Variants in MAPK4 observed in about 807,000 individuals in gnomAD.
MAPK4 encodes mitogen-activated protein kinase 4.
MAPK4 carries 22 observed loss-of-function variants against 47.7 expected under a neutral mutation model. The observed-to-expected ratio is 0.46, with a 90% confidence interval of 0.33 to 0.66. MAPK4 has a LOEUF of 0.66. MAPK4 is among the 30% of genes least tolerant of loss of function. The pLI, the probability that MAPK4 is intolerant of heterozygous loss-of-function variation, is 0.02. For missense variants in MAPK4, 736 were observed against 831.7 expected (o/e 0.88, Z 1.42); for synonymous variants, 390 against 365.7 (o/e 1.07, Z -0.76).
At chr18:50,568,022 C>A (rs1369437962) in intron 1 of MAPK4, among the ~76,000 whole-genome samples, 1 of 151,778 alleles carries the variant, frequency 6.6e-6, no homozygotes, top group African/African-American at 2.4e-5. Flanking sequence ...CGGTGAAACC[C>A]CGTCTCTACT....
At chr18:50,697,194 A>C (rs1004232722) in intron 2 of MAPK4, among the ~76,000 whole-genome samples, 1 of 152,246 alleles carries the variant, frequency 6.6e-6, no homozygotes, top group African/African-American at 2.4e-5. Context: ...TAGCTGTTCA[A>C]AACAAAACCT....
chr18:50,705,769 C>T (rs1910016810), intron 2 of MAPK4: 1 of 152,226 alleles, frequency 6.6e-6, no homozygotes, highest in Non-Finnish European at 1.5e-5. Flanking sequence ...TCACTCTGGT[C>T]TCTGCTCGAA....
Position 50,644,031 on chromosome 18 carries a change from G to A in MAPK4, c.-870-19058G>A, listed in dbSNP as rs573507011. Among the ~76,000 whole-genome samples the A allele has an allele frequency of 9.7e-4, 147 of 151,270 alleles. 1 individual carries two copies. The highest frequency in any genetic ancestry group is 2.5e-3 in the Admixed American group (38 of 15,226). On this transcript the variant is annotated intron_variant, in intron 1 of 5. Transcript: ENST00000400384. ...TCGGTGGAAAGGGAGATGAATGCCT[G>A]CAGATCCACATCTTAGTAGAAATCT...
intron 3 of MAPK4, among the ~76,000 whole-genome samples, chr18:50,719,773 T>C (rs1910837191): frequency 6.6e-6 from 1 of 152,218 alleles, no homozygotes; most frequent in Admixed American, 6.5e-5. Flanking sequence ...CAGACGAGAC[T>C]GTATAATCCA....
intron 1 of MAPK4, among the ~76,000 whole-genome samples, chr18:50,631,943 G>A (rs755203075): frequency 7.2e-5 from 11 of 152,202 alleles, no homozygotes; most frequent in Non-Finnish European, 1.6e-4. Flanking sequence ...GTGAGAATCA[G>A]AGATGTTTGT....
At chr18:50,630,745 C>T (rs16952240) in intron 1 of MAPK4, among the ~76,000 whole-genome samples, 5,485 of 152,278 alleles carry the variant, frequency 0.036, 313 homozygotes, top group African/African-American at 0.12. Flanking sequence ...CACAGCCCTC[C>T]GCAGTCTGAC....
intron 3 of MAPK4, among the ~76,000 whole-genome samples, chr18:50,718,308 C>T (rs1012042476): frequency 1.3e-5 from 2 of 152,160 alleles, no homozygotes; most frequent in South Asian, 2.1e-4. Flanking sequence ...CAACCTCCAC[C>T]CCCCATTTCA....
intron 2 of MAPK4, among the ~76,000 whole-genome samples, chr18:50,699,694 A>G (rs1909682485): frequency 1.3e-5 from 2 of 152,244 alleles, no homozygotes; most frequent in South Asian, 4.1e-4. Flanking sequence ...AGTTGCCACA[A>G]GCCCGGGGGT....
At chr18:50,642,871 C>A (rs1252572912) in intron 1 of MAPK4, among the ~76,000 whole-genome samples, 1 of 152,204 alleles carries the variant, frequency 6.6e-6, no homozygotes, top group Non-Finnish European at 1.5e-5. Context: ...TCCCAAAACG[C>A]TGGGATTATA....
chr18:50,607,189 G>A (rs1052146540), intron 1 of MAPK4, among the ~76,000 whole-genome samples: 2 of 152,136 alleles, frequency 1.3e-5, no homozygotes, highest in African/African-American at 2.4e-5. Context: ...ATGGGGCCAG[G>A]GGGGAGGGGA....
chr18:50,563,063 C>T (rs1405001496), intron 1 of MAPK4, among the ~76,000 whole-genome samples: 1 of 152,018 alleles, frequency 6.6e-6, no homozygotes, highest in Non-Finnish European at 1.5e-5. Flanking sequence ...CTTTTAAATT[C>T]TTTATAAAAA....
At chr18:50,592,638 C>T (rs927332540) in intron 1 of MAPK4, among the ~76,000 whole-genome samples, 1 of 152,170 alleles carries the variant, frequency 6.6e-6, no homozygotes, top group Non-Finnish European at 1.5e-5. Flanking sequence ...CTTGTGTTGC[C>T]AAGCAATATG....
At chr18:50,637,748 C>T (rs1419007475) in intron 1 of MAPK4, among the ~76,000 whole-genome samples, 2 of 152,164 alleles carry the variant, frequency 1.3e-5, no homozygotes, top group Non-Finnish European at 2.9e-5. Flanking sequence ...TGGGTTGGTT[C>T]CCCTGGAGGT....
chr18:50,643,662 C>T (rs2144188075), intron 1 of MAPK4, among the ~76,000 whole-genome samples: 1 of 152,278 alleles, frequency 6.6e-6, no homozygotes, highest in Middle Eastern at 3.4e-3. Flanking sequence ...GAACCGCCTG[C>T]TTTTTTACAC....
chr18:50,578,086 A>G (rs1001866660), intron 1 of MAPK4, among the ~76,000 whole-genome samples: 1 of 152,176 alleles, frequency 6.6e-6, no homozygotes, highest in East Asian at 1.9e-4. Context: ...CACAGACTGC[A>G]TGTGTTGCCT....
chr18:50,601,910 C>T (rs2042545039), intron 1 of MAPK4, among the ~76,000 whole-genome samples: 1 of 152,128 alleles, frequency 6.6e-6, no homozygotes, highest in African/African-American at 2.4e-5. Context: ...CTTTTCTCAT[C>T]TCTAGTGGAC....
At chr18:50,695,303 G>A (rs1011925367) in intron 2 of MAPK4, among the ~76,000 whole-genome samples, 3 of 137,976 alleles carry the variant, frequency 2.2e-5, no homozygotes, top group Non-Finnish European at 4.5e-5. Flanking sequence ...CCAAGATCAT[G>A]CCACTGCACC....
chr18:50,653,294 G>T (rs7235886), intron 1 of MAPK4, among the ~76,000 whole-genome samples: 2,475 of 152,252 alleles, frequency 0.016, 58 homozygotes, highest in African/African-American at 0.055. Context: ...TGAAGGCCCA[G>T]AGGTAAGGGA....
chr18:50,564,757 C>T (rs2042184004), intron 1 of MAPK4, among the ~76,000 whole-genome samples: 1 of 151,940 alleles, frequency 6.6e-6, no homozygotes, highest in African/African-American at 2.4e-5. Flanking sequence ...ATTTATATAC[C>T]ACAACTGTGG....
Sources: allele counts gnomAD v4.1 joint callset (sites outside exome capture counted in the v4.1 genomes callset), GRCh38; gene constraint gnomAD v4.1.1; transcripts MANE v1.5; gene names NCBI Gene and HGNC (gene_info 2026-07-23, HGNC 2026-07-21).